AMDHD2: variants seen among roughly 807,000 people sequenced by gnomAD.
AMDHD2 encodes amidohydrolase domain containing 2, also known as N-acetylglucosamine-6-phosphate deacetylase.
In AMDHD2, 24 loss-of-function variants were observed where a neutral mutation model predicts 41.8. That is an observed-to-expected ratio of 0.57 (90% confidence interval 0.42 to 0.81). The LOEUF is 0.81. Among genes scored for constraint, AMDHD2 ranks in the 30% least tolerant of loss-of-function variants. AMDHD2 has a pLI of 0.00. For synonymous variants in AMDHD2, 332 were observed against 255.5 expected (o/e 1.30, Z -2.85); for missense variants, 540 against 588.5 (o/e 0.92, Z 0.85).
intron 3 of AMDHD2, among the ~76,000 whole-genome samples, chr16:2,521,735 C>CTATTTGA: frequency 6.8e-6 from 1 of 146,378 alleles, no homozygotes; most frequent in Non-Finnish European, 1.5e-5. Flanking sequence ...TTTTACTGAA[C>CTATTTGA]TATTTGAGAG....
At position 2,530,361 on chromosome 16, in the gene AMDHD2, G is replaced by A; in HGVS notation, c.*798G>A. On this transcript the variant is annotated 3_prime_UTR_variant, in exon 11 of 11. Coordinates refer to ENST00000293971, the MANE Select transcript of AMDHD2 (RefSeq NM_001330449.2). ...CATTAGTGTCATCCTGCCATCTTCTGTGTCCCCTTGGCCCTGGCACACACC... is the reference window on the plus strand; with the variant it reads ...CATTAGTGTCATCCTGCCATCTTCTATGTCCCCTTGGCCCTGGCACACACC... 1.2e-6 allele frequency: 2 copies of A among 1,614,152 alleles called. No individual in the cohort carries two copies. Among genetic ancestry groups the A allele is most frequent in the Non-Finnish European group, 1.7e-6 (2 of 1,180,018 alleles).
rs1486443180 is a variant in AMDHD2, at chr16:2,520,396, C to T, written c.-63C>T. 2 of 1,199,210 alleles carry T rather than the reference C, an allele frequency of 1.7e-6. No homozygotes were observed. Among genetic ancestry groups the T allele is most frequent in the Non-Finnish European group, 1.0e-6 (1 of 960,256 alleles). The allele number at this position is 1,199,210 out of a possible 1,614,324, so 74.3% of individuals were successfully genotyped here. On this transcript the variant is annotated 5_prime_UTR_variant, in exon 1 of 11. Coordinates refer to ENST00000293971, the MANE Select transcript of AMDHD2 (RefSeq NM_001330449.2). ...GTCTCAGCTCTCGGCTGGGGTTCGT[C>T]ACTGGGCGCGGGATTTGGCCGCCGC...
At position 2,529,998 on chromosome 16, in the gene AMDHD2, G is replaced by A; in HGVS notation, c.*435G>A. 1.4e-6 allele frequency: 1 copy of A among 730,576 alleles called. No individual in the cohort carries two copies. The allele number at this position is 730,576 out of a possible 1,614,324, so 45.3% of individuals were successfully genotyped here. A position where few individuals can be genotyped will look rare whatever the true frequency, so the allele number is the denominator to read the frequency against. ...ACCATGGGCTGGGGGTGAAGAGCCG[G>A]CAGGAAGGGGACCAGTCACAGGGAG... On this transcript the variant is annotated 3_prime_UTR_variant, in exon 11 of 11. Transcript: ENST00000293971.
At chr16:2,528,427 A>G (rs2066036615) in intron 7 of AMDHD2, 25 bp from the exon 8 acceptor site, 1 of 1,612,680 alleles carries the variant, frequency 6.2e-7, no homozygotes, top group Admixed American at 1.7e-5. Context: ...CTGGGCTAGC[A>G]GGTTCTGAGC....
chr16:2,520,928 G>T, intron 2 of AMDHD2, 23 bp downstream of exon 2: 1 of 1,596,316 alleles, frequency 6.3e-7, no homozygotes. Flanking sequence ...GCCGGCAGGG[G>T]AACCCAGGGG....
chr16:2,525,979 C>T (rs561264693), intron 3 of AMDHD2, among the ~76,000 whole-genome samples: 1 of 152,302 alleles, frequency 6.6e-6, no homozygotes, highest in African/African-American at 2.4e-5. Context: ...GTGCCCAGCC[C>T]AGTGTTCCTT....
chr16:2,523,618 C>T (rs940491930), intron 3 of AMDHD2, among the ~76,000 whole-genome samples: 1 of 152,134 alleles, frequency 6.6e-6, no homozygotes, highest in Non-Finnish European at 1.5e-5. Context: ...TTGGAAATTT[C>T]CCACAGCCCT....
chr16:2,523,821 C>G (rs1311213124), intron 3 of AMDHD2, among the ~76,000 whole-genome samples: 1 of 152,212 alleles, frequency 6.6e-6, no homozygotes, highest in African/African-American at 2.4e-5. Flanking sequence ...CAGCCACATT[C>G]CCCACTCCTG....
rs1018447648 is a variant in AMDHD2 at position 2,527,121 on chromosome 16, G to A, written c.361-440G>A. 3 of 209,104 alleles carry A rather than the reference G, an allele frequency of 1.4e-5. No individual in the cohort carries two copies. The highest frequency in any genetic ancestry group is 2.4e-5 in the African/African-American group (1 of 42,218). 13.0% of individuals were successfully genotyped at this position (209,104 alleles called of 1,614,324 possible). A position where few individuals can be genotyped will look rare whatever the true frequency, so the allele number is the denominator to read the frequency against. On this transcript the variant is annotated intron_variant, in intron 3 of 10. Transcript: ENST00000293971. This position sits in a 1 kb window ranked among gnomAD's most constrained non-coding sequence, Gnocchi z 6.1. ...CCTCTGAGATGTGTGGTGTGAGCCCGTGTCCCCCCGTTCCCTGACACACTC... is the reference window on the plus strand; with the variant it reads ...CCTCTGAGATGTGTGGTGTGAGCCCATGTCCCCCCGTTCCCTGACACACTC...
rs1369025896 is a variant in AMDHD2 at position 2,530,023 on chromosome 16, G to A, written c.*460G>A. 1.3e-6 allele frequency: 1 copy of A among 744,500 alleles called. No homozygotes were observed. Among genetic ancestry groups the A allele is most frequent in the African/African-American group, 1.8e-5 (1 of 56,826 alleles). 46.1% of individuals were successfully genotyped at this position (744,500 alleles called of 1,614,324 possible). A position where few individuals can be genotyped will look rare whatever the true frequency, so the allele number is the denominator to read the frequency against. On this transcript the variant is annotated 3_prime_UTR_variant, in exon 11 of 11. Transcript: ENST00000293971. ...GCAGGAAGGGGACCAGTCACAGGGA[G>A]TGTGGACAGTCAGGGGTTTGCTTTC...
rs752994308 is a variant in AMDHD2 at position 2,529,479 on chromosome 16, C to T, written c.1146C>T (p.Phe382=). The T allele has an allele frequency of 8.1e-6, 13 of 1,610,402 alleles. No individual in the cohort carries two copies. The highest frequency in any genetic ancestry group is 5.5e-5 in the South Asian group (5 of 91,084). Residue 382 remains phenylalanine (F), a synonymous_variant, in exon 11 of 11, where the codon TTC becomes TTT. Transcript: ENST00000293971. ...GTLDFGADAD[F]VVLDDSLHVQ... Reference sequence around the variant, plus strand: ...CATTGCCCGGCTCTGTCCCAGACTTCGTGGTGCTCGACGACTCCCTTCACG... The same window carrying T: ...CATTGCCCGGCTCTGTCCCAGACTTTGTGGTGCTCGACGACTCCCTTCACG...
chr16:2,528,865 A>T (rs1364919007), intron 9 of AMDHD2, 129 bp from the exon 10 acceptor site: 5 of 1,495,868 alleles, frequency 3.3e-6, no homozygotes, highest in Non-Finnish European at 4.5e-6. Context: ...CCAGGGTGAC[A>T]GGCAGACCAG....
At chr16:2,526,620 G>A (rs1470035964) in intron 3 of AMDHD2, among the ~76,000 whole-genome samples, 3 of 137,026 alleles carry the variant, frequency 2.2e-5, no homozygotes, top group Non-Finnish European at 4.7e-5. Context: ...CCCCAACCCC[G>A]CCCCCAGGTT....
Position 2,522,844 on chromosome 16 carries a change from C to CTTT in AMDHD2, c.360+1736_360+1738dup, listed in dbSNP as rs77502200. ...TGCCTGTTTATTCCTTAGTACTTAACTTTTTTTTTTTTTTTTTGAGACATA... is the reference window on the plus strand; with the variant it reads ...TGCCTGTTTATTCCTTAGTACTTAACTTTTTTTTTTTTTTTTTTTTGAGACATA... On this transcript the variant is annotated intron_variant, in intron 3 of 10. Transcript: ENST00000293971. Among the ~76,000 whole-genome samples, 269 of 135,072 alleles carry CTTT rather than the reference C, an allele frequency of 2.0e-3. 4 individuals are homozygous for CTTT. Among genetic ancestry groups the CTTT allele is most frequent in the African/African-American group, 6.9e-3 (245 of 35,680 alleles). The allele number at this position is 135,072 out of a possible 152,430, so 88.6% of individuals were successfully genotyped here.
chr16:2,526,374 GT>G (rs1430092582), intron 3 of AMDHD2, among the ~76,000 whole-genome samples: 1 of 152,162 alleles, frequency 6.6e-6, no homozygotes, highest in Non-Finnish European at 1.5e-5. Flanking sequence ...CATTTCGCAA[GT>G]TCCTGCTGTG....
At chr16:2,521,410 T>C (rs1286703035) in intron 3 of AMDHD2, among the ~76,000 whole-genome samples, 1 of 152,148 alleles carries the variant, frequency 6.6e-6, no homozygotes, top group African/African-American at 2.4e-5. Context: ...GCACTCTGGC[T>C]GCCTCCAGGC....
At chr16:2,521,872 C>G (rs1034204864) in intron 3 of AMDHD2, among the ~76,000 whole-genome samples, 2 of 151,356 alleles carry the variant, frequency 1.3e-5, no homozygotes, top group African/African-American at 4.9e-5. Context: ...CAGGCTCCGC[C>G]CCCCAGGGTT....
chr16:2,524,677 C>T (rs956345579), intron 3 of AMDHD2, among the ~76,000 whole-genome samples: 5 of 152,136 alleles, frequency 3.3e-5, no homozygotes, highest in Non-Finnish European at 7.4e-5. Flanking sequence ...AGCATCCACC[C>T]TAGGGACAAT....
In AMDHD2 at chr16:2,521,142, G is replaced by A. The variant is rs769498319; in HGVS notation, c.360+19G>A. 2 of 1,548,748 alleles carry A rather than the reference G, an allele frequency of 1.3e-6. No homozygotes were observed. The highest frequency in any genetic ancestry group is 1.4e-5 in the African/African-American group (1 of 72,706). On this transcript the variant is annotated intron_variant, in intron 3 of 10. Coordinates refer to ENST00000293971, the MANE Select transcript of AMDHD2 (RefSeq NM_001330449.2). ...TCACAAGGTGAGGTGAGGCTCCCTG[G>A]CTGAGGTGGAGGGGGCTCCCGGAGC...
Sources: gnomAD v4.1 joint callset for allele counts (sites outside exome capture counted in the v4.1 genomes callset) on GRCh38, gnomAD v4.1.1 for gene constraint, Gnocchi (gnomAD v3.1) non-coding constraint, MANE v1.5 for transcripts, NCBI Gene and HGNC (gene_info 2026-07-23, HGNC 2026-07-21) for gene names.